The following TXNL1 variants were observed in gnomAD, a reference collection of about 807,000 sequenced individuals.
TXNL1 encodes thioredoxin like 1, also known as thioredoxin-like protein 1.
A neutral mutation model predicts 35.5 loss-of-function variants in TXNL1; 14 were observed. That is an observed-to-expected ratio of 0.39 (90% CI 0.26 to 0.62). The LOEUF (loss-of-function observed/expected upper bound fraction) is 0.62. Ranked by LOEUF, TXNL1 falls within the 20% of genes least tolerant of loss-of-function variation. The pLI is 0.47. For synonymous variants in TXNL1, 110 were observed against 115.5 expected (o/e 0.95, Z 0.31); for missense variants, 263 against 349.7 (o/e 0.75, Z 1.98).
Position 56,601,565 on chromosome 18 carries a change from T to C in TXNL1, c.*1462A>G, listed in dbSNP as rs1373693876. On this transcript the variant is annotated 3_prime_UTR_variant, in exon 8 of 8. Coordinates refer to ENST00000217515, the MANE Select transcript of TXNL1 (RefSeq NM_004786.3). ...AGTGTTAAGATCATCACAGACCAGTTAATGTGCCCATATACAAATGAACTA... is the reference window on the plus strand; with the variant it reads ...AGTGTTAAGATCATCACAGACCAGTCAATGTGCCCATATACAAATGAACTA... 1 of 152,204 alleles carries C rather than the reference T, an allele frequency of 6.6e-6. No homozygotes were observed. The highest frequency in any genetic ancestry group is 2.4e-5 in the African/African-American group (1 of 41,442). The allele number at this position is 152,204 out of a possible 1,614,324, so 9.4% of individuals were successfully genotyped here.
intron 3 of TXNL1, among the ~76,000 whole-genome samples, chr18:56,619,192 C>T (rs1419885198): frequency 7.6e-6 from 1 of 131,316 alleles, no homozygotes; most frequent in African/African-American, 3.0e-5. Context: ...CCAGCCCAGG[C>T]AGCAGAGCAA....
chr18:56,632,778 T>C (rs911144462), intron 1 of TXNL1, among the ~76,000 whole-genome samples: 7 of 152,182 alleles, frequency 4.6e-5, no homozygotes, highest in Non-Finnish European at 8.8e-5. Flanking sequence ...TTCTTGCACA[T>C]TTTTGTATAT....
At chr18:56,626,590 T>C (rs71353971) in intron 1 of TXNL1, 133 bp from the exon 2 acceptor site, 46 of 856,712 alleles carry the variant, frequency 5.4e-5, no homozygotes, top group Non-Finnish European at 7.6e-5. Flanking sequence ...TTTTGTTTTG[T>C]TTTTTGCTTT....
At chr18:56,629,081 C>A (rs1002653617) in intron 1 of TXNL1, among the ~76,000 whole-genome samples, 1 of 152,146 alleles carries the variant, frequency 6.6e-6, no homozygotes, top group Non-Finnish European at 1.5e-5. Context: ...AAGCCAAGAC[C>A]CAATAATTGC....
intron 1 of TXNL1, among the ~76,000 whole-genome samples, chr18:56,628,333 A>T (rs2024319282): frequency 6.6e-6 from 1 of 152,188 alleles, no homozygotes; most frequent in African/African-American, 2.4e-5. Context: ...CAACCCATCA[A>T]AATTCCTGGG....
intron 4 of TXNL1, among the ~76,000 whole-genome samples, chr18:56,616,967 C>T (rs185559791): frequency 2.0e-5 from 3 of 152,258 alleles, no homozygotes; most frequent in East Asian, 1.9e-4. Context: ...GTTTGATGTA[C>T]GTACCTATGC....
At chr18:56,623,540 A>ATC (rs2024226425) in intron 3 of TXNL1, among the ~76,000 whole-genome samples, 2 of 152,124 alleles carry the variant, frequency 1.3e-5, no homozygotes, top group South Asian at 4.1e-4. Flanking sequence ...AACTATATAT[A>ATC]TCTCTTAGTA....
chr18:56,631,473 G>GA (rs199616994), intron 1 of TXNL1, among the ~76,000 whole-genome samples: 35 of 144,378 alleles, frequency 2.4e-4, no homozygotes, highest in African/African-American at 4.6e-4. Context: ...TTAAAATGAA[G>GA]AAAAAAAAAA....
intron 1 of TXNL1, among the ~76,000 whole-genome samples, chr18:56,626,797 C>CGTTTTTT (rs2024289472): frequency 1.8e-5 from 1 of 55,000 alleles, no homozygotes; most frequent in Non-Finnish European, 3.2e-5. Context: ...CCAAGCCGGT[C>CGTTTTTT]TTTTTTTTTT....
chr18:56,603,314 AAAC>A (rs1276307156), intron 7 of TXNL1, among the ~76,000 whole-genome samples: 7 of 151,450 alleles, frequency 4.6e-5, no homozygotes, highest in African/African-American at 1.5e-4. Context: ...CAATTTTTAA[AAAC>A]AAGGTTGAAA....
intron 1 of TXNL1, among the ~76,000 whole-genome samples, chr18:56,633,601 C>G (rs1411126246): frequency 1.7e-5 from 2 of 118,268 alleles, no homozygotes. Flanking sequence ...GCCTGAGCAA[C>G]AGAGCGAGAC....
chr18:56,617,093 T>C (rs2024100392), intron 4 of TXNL1, among the ~76,000 whole-genome samples: 1 of 152,194 alleles, frequency 6.6e-6, no homozygotes, highest in African/African-American at 2.4e-5. Flanking sequence ...ACAATGTGAA[T>C]GATACTCTCA....
intron 4 of TXNL1, 105 bp downstream of exon 4, chr18:56,617,899 T>C: frequency 1.5e-6 from 2 of 1,372,626 alleles, no homozygotes; most frequent in Non-Finnish European, 2.0e-6. Flanking sequence ...AAGGAAGAAG[T>C]GATCATCTGG....
chr18:56,597,543 C>A lies in TXNL1; in HGVS notation c.*5484G>T, dbSNP rs2023759788. Reference sequence around the variant, plus strand: ...CTCCCTCTTGGATTCATTAACACTACTTTATTACCACCTCCTGTTTTTCCT... The same window carrying A: ...CTCCCTCTTGGATTCATTAACACTAATTTATTACCACCTCCTGTTTTTCCT... On this transcript the variant is annotated 3_prime_UTR_variant, in exon 8 of 8. Coordinates refer to ENST00000217515, the MANE Select transcript of TXNL1 (RefSeq NM_004786.3). 6.6e-6 allele frequency: 1 copy of A among 152,218 alleles called. No individual in the cohort carries two copies. Among genetic ancestry groups the A allele is most frequent in the African/African-American group, 2.4e-5 (1 of 41,460 alleles). 9.4% of individuals were successfully genotyped at this position (152,218 alleles called of 1,614,324 possible). A position where few individuals can be genotyped will look rare whatever the true frequency, so the allele number is the denominator to read the frequency against.
At chr18:56,612,384 A>AT (rs144206046) in intron 6 of TXNL1, among the ~76,000 whole-genome samples, 36 of 148,828 alleles carry the variant, frequency 2.4e-4, no homozygotes, top group Middle Eastern at 6.9e-3. Flanking sequence ...TATGTGCCTC[A>AT]TTTTTTTTTT....
intron 3 of TXNL1, among the ~76,000 whole-genome samples, chr18:56,623,382 C>A (rs1300179990): frequency 1.4e-5 from 2 of 147,816 alleles, no homozygotes; most frequent in Admixed American, 6.9e-5. Context: ...GAGCTGAGAT[C>A]GTGCCACTGC....
Position 56,638,400 on chromosome 18 carries a change from T to C in TXNL1, c.41A>G (p.Gln14Arg), listed in dbSNP as rs1215801659. The part of the protein sequence containing the change: ...VKPVGSDPDF[Q>R]PELSGAGSRL... Reference sequence around the variant, plus strand: ...GGAGCCCGCGCCGCTCAGCTCTGGCTGGAAATCCGGGTCGCTCCCGACGGG... The same window carrying C: ...GGAGCCCGCGCCGCTCAGCTCTGGCCGGAAATCCGGGTCGCTCCCGACGGG... The change falls in exon 1 of 8, where the codon CAG becomes CGG. Residue 14 changes from glutamine to arginine, a missense_variant. Coordinates refer to ENST00000217515, the MANE Select transcript of TXNL1 (RefSeq NM_004786.3). The C allele has an allele frequency of 6.2e-7, 1 of 1,613,584 alleles. No homozygotes were observed. Among genetic ancestry groups the C allele is most frequent in the African/African-American group, 1.3e-5 (1 of 75,028 alleles).
intron 1 of TXNL1, among the ~76,000 whole-genome samples, chr18:56,626,793 C>T (rs928532924): frequency 2.6e-4 from 12 of 46,848 alleles, no homozygotes; most frequent in Non-Finnish European, 6.0e-4. Context: ...GCCACCAAGC[C>T]GGTCTTTTTT....
chr18:56,624,240 C>A, intron 3 of TXNL1, 48 bp downstream of exon 3: 2 of 1,505,370 alleles, frequency 1.3e-6, no homozygotes, highest in South Asian at 1.3e-5. Flanking sequence ...CCAATAATGA[C>A]ATGTACAAGA....
Sources: allele counts gnomAD v4.1 joint callset (sites outside exome capture counted in the v4.1 genomes callset), GRCh38; gene constraint gnomAD v4.1.1; transcripts MANE v1.5; gene names NCBI Gene and HGNC (gene_info 2026-07-23, HGNC 2026-07-21).